Variants in TRIML1 observed in about 807,000 individuals in gnomAD.
The protein encoded by TRIML1 is probable E3 ubiquitin-protein ligase TRIML1.
TRIML1 carries 34 observed loss-of-function variants against 32.3 expected under a neutral mutation model. The observed-to-expected ratio is 1.05, with a 90% confidence interval of 0.80 to 1.40. The LOEUF (loss-of-function observed/expected upper bound fraction) is 1.40, where lower values mean the gene tolerates loss of function less well. Among genes scored for constraint, TRIML1 ranks in the 40% most tolerant of loss-of-function variants. The pLI is 0.00. For missense variants in TRIML1, 595 were observed against 574.9 expected (o/e 1.03, Z -0.36); for synonymous variants, 244 against 226.6 (o/e 1.08, Z -0.69).
Position 188,142,275 on chromosome 4 carries a change from G to A in TRIML1, c.528G>A (p.Gln176=). The part of the protein sequence containing the change: ...LCQEETKTCK[Q]VVVSEYMKMH... Reference sequence around the variant, plus strand: ...AGGAAGAAACAAAGACTTGTAAACAGGTTGTTGTGTCAGAATACATGAAAA... The same window carrying A: ...AGGAAGAAACAAAGACTTGTAAACAAGTTGTTGTGTCAGAATACATGAAAA... Residue 176 remains glutamine, a synonymous_variant, in exon 3 of 6, where the codon CAG becomes CAA. Coordinates refer to ENST00000332517, the MANE Select transcript of TRIML1 (RefSeq NM_178556.5). 1 of 1,611,376 alleles carries A rather than the reference G, an allele frequency of 6.2e-7. No homozygotes were observed. The highest frequency in any genetic ancestry group is 8.5e-7 in the Non-Finnish European group (1 of 1,179,410).
chr4:188,150,639 T>C (rs1735229425), downstream of TRIML1, among the ~76,000 whole-genome samples: 2 of 152,004 alleles, frequency 1.3e-5, no homozygotes, highest in African/African-American at 4.8e-5. Flanking sequence ...TGATACATCC[T>C]TTCCTTTCCT....
upstream of TRIML1, chr4:188,139,286 T>C (rs755463805): frequency 2.7e-5 from 9 of 338,112 alleles, no homozygotes; most frequent in Non-Finnish European, 4.3e-5. Flanking sequence ...ATCCTCAGCC[T>C]CTAGCATGTG....
intron 1 of TRIML1, among the ~76,000 whole-genome samples, chr4:188,140,249 T>C (rs1282445846): frequency 6.6e-6 from 1 of 151,976 alleles, no homozygotes; most frequent in Non-Finnish European, 1.5e-5. Flanking sequence ...GCCTCCCCAG[T>C]AGCTGGGACT....
downstream of TRIML1, among the ~76,000 whole-genome samples, chr4:188,150,408 C>A (rs1189559898): frequency 6.6e-6 from 1 of 152,134 alleles, no homozygotes; most frequent in African/African-American, 2.4e-5. Flanking sequence ...GGATTACAGG[C>A]GTGAGCCACC....
At chr4:188,143,896 C>A (rs998910392) in intron 4 of TRIML1, 36 bp downstream of exon 4, 4 of 1,613,734 alleles carry the variant, frequency 2.5e-6, no homozygotes, top group Non-Finnish European at 3.4e-6. Context: ...ATGCAAGCTG[C>A]GGGGCAGTGG....
downstream of TRIML1, among the ~76,000 whole-genome samples, chr4:188,148,095 T>C (rs1214233178): frequency 1.3e-5 from 2 of 152,206 alleles, no homozygotes; most frequent in Non-Finnish European, 2.9e-5. Context: ...CAAGCGACTA[T>C]ATTGCATTGT....
chr4:188,142,095 G>T lies in TRIML1; in HGVS notation c.505-157G>T, dbSNP rs116379756. On this transcript the variant is annotated intron_variant, in intron 2 of 5. Transcript: ENST00000332517. ...TTGCGCCACTGCACTTCAGACTGGC[G>T]ACAGAGTGAGACTCCATCTCAAAAA... Among the ~76,000 whole-genome samples the T allele has an allele frequency of 3.6e-5, 5 of 137,206 alleles. No homozygotes were observed. In the East Asian group the frequency reaches 1.1e-3, roughly 29 times the overall value. The allele number at this position is 137,206 out of a possible 152,430, so 90.0% of individuals were successfully genotyped here.
In TRIML1 at chr4:188,139,543, A is replaced by T; in HGVS notation, c.-16A>T. ...GAACAGAGGTGTAACCTGGCTGCAT[A>T]TCCAGCCTCGAGAAAATGTCTACAG... On this transcript the variant is annotated 5_prime_UTR_variant, in exon 1 of 6. Coordinates refer to ENST00000332517, the MANE Select transcript of TRIML1 (RefSeq NM_178556.5). 1 of 1,553,918 alleles carries T rather than the reference A, an allele frequency of 6.4e-7. No individual in the cohort carries two copies. The highest frequency in any genetic ancestry group is 8.7e-7 in the Non-Finnish European group (1 of 1,147,460).
rs1370388942 is a variant in TRIML1, at chr4:188,146,931, A to T, written c.966A>T (p.Glu322Asp). 1 of 1,496,944 alleles carries T rather than the reference A, an allele frequency of 6.7e-7. No individual in the cohort carries two copies. Among genetic ancestry groups the T allele is most frequent in the Non-Finnish European group, 8.9e-7 (1 of 1,122,608 alleles). 92.7% of individuals were successfully genotyped at this position (1,496,944 alleles called of 1,614,324 possible). The change falls in exon 6 of 6, where the codon GAA becomes GAT. Residue 322 changes from glutamate (E) to aspartate (D), a missense_variant. By Grantham distance (45) the Glu-to-Asp change is conservative (BLOSUM62 2). Coordinates refer to ENST00000332517, the MANE Select transcript of TRIML1 (RefSeq NM_178556.5). ...GSRQQLPDNPERFDQSATVLG... is the reference protein window; with the variant it reads ...GSRQQLPDNPDRFDQSATVLG... ...GACAGCAGCTACCCGACAACCCGGA[A>T]AGATTTGACCAGTCTGCGACTGTGC...
intron 2 of TRIML1, among the ~76,000 whole-genome samples, chr4:188,141,745 C>A (rs964476747): frequency 1.3e-5 from 2 of 152,068 alleles, no homozygotes; most frequent in Non-Finnish European, 2.9e-5. Flanking sequence ...CCTCCGAAAA[C>A]ATCAACCTCT....
rs1013863724 is a variant in TRIML1, at chr4:188,147,136, G to A, written c.1171G>A (p.Val391Ile). The change falls in exon 6 of 6, where the codon GTC (valine) becomes ATC (isoleucine). Residue 391 changes from valine (V) to isoleucine (I), a missense_variant. Val to Ile is a conservative substitution (Grantham distance 29, BLOSUM62 3). Transcript: ENST00000332517. ...LKIGDDYSLW[V>I]SSPLKGQHVR... ...AATCGGAGATGATTACAGCCTCTGG[G>A]TCTCGTCACCTTTGAAAGGTCAGCA... 6.2e-7 allele frequency: 1 copy of A among 1,614,080 alleles called. No homozygotes were observed. Among genetic ancestry groups the A allele is most frequent in the Non-Finnish European group, 8.5e-7 (1 of 1,180,026 alleles).
At chr4:188,143,199 G>A (rs2111230837) in intron 3 of TRIML1, 1 of 153,018 alleles carries the variant, frequency 6.5e-6, no homozygotes, top group East Asian at 1.9e-4. Flanking sequence ...GGGATTACAG[G>A]CGTGTGCCAC....
Position 188,147,245 on chromosome 4 carries a change from C to T in TRIML1, c.1280C>T (p.Ser427Phe). ...HIAFYNGTDE[S>F]LIYSFPQASF... Reference sequence around the variant, plus strand: ...GCATTCTACAACGGGACGGATGAATCCCTCATCTACAGCTTCCCGCAGGCT... The same window carrying T: ...GCATTCTACAACGGGACGGATGAATTCCTCATCTACAGCTTCCCGCAGGCT... Residue 427 changes from serine (S) to phenylalanine (F), a missense_variant, in exon 6 of 6, where the codon TCC (serine) becomes TTC (phenylalanine). By Grantham distance (155) the Ser-to-Phe change is radical. Coordinates refer to ENST00000332517, the MANE Select transcript of TRIML1 (RefSeq NM_178556.5). 1 of 1,604,134 alleles carries T rather than the reference C, an allele frequency of 6.2e-7. No homozygotes were observed. Among genetic ancestry groups the T allele is most frequent in the Non-Finnish European group, 8.5e-7 (1 of 1,174,692 alleles).
chr4:188,150,307 T>A (rs1735217338), downstream of TRIML1, among the ~76,000 whole-genome samples: 1 of 151,752 alleles, frequency 6.6e-6, no homozygotes, highest in Admixed American at 6.6e-5. Context: ...TTTTGTATTT[T>A]TAATAGAGAT....
downstream of TRIML1, among the ~76,000 whole-genome samples, chr4:188,150,101 G>A (rs1049520257): frequency 1.3e-5 from 2 of 151,756 alleles, no homozygotes; most frequent in Admixed American, 6.6e-5. Flanking sequence ...ACCGCGCCCG[G>A]CCTTATTTTA....
Position 188,139,705 on chromosome 4 carries a change from A to AC in TRIML1, c.149dup (p.Leu51PhefsTer5). ...TCAGGAGCTGGGAGGAACATAACACACCTTTATCTTGTCCTGAGTGCTGGA... is the reference window on the plus strand; with the variant it reads ...TCAGGAGCTGGGAGGAACATAACACACCCTTTATCTTGTCCTGAGTGCTGGA... On this transcript the variant is annotated frameshift_variant, in exon 1 of 6. Coordinates refer to ENST00000332517, the MANE Select transcript of TRIML1 (RefSeq NM_178556.5). LOFTEE classifies it high-confidence loss of function. The AC allele has an allele frequency of 1.2e-6, 2 of 1,613,910 alleles. No individual in the cohort carries two copies. The highest frequency in any genetic ancestry group is 1.7e-6 in the Non-Finnish European group (2 of 1,179,998).
chr4:188,144,440 G>A (rs1324792757), intron 5 of TRIML1, among the ~76,000 whole-genome samples: 2 of 147,590 alleles, frequency 1.4e-5, no homozygotes, highest in East Asian at 2.0e-4. Context: ...TCGGCTCACT[G>A]CAAGCTCCGC....
At chr4:188,149,120 C>T (rs1188983790), downstream of TRIML1, among the ~76,000 whole-genome samples, 1 of 151,294 alleles carries the variant, frequency 6.6e-6, no homozygotes, top group Non-Finnish European at 1.5e-5. Context: ...GGGGTTTCAC[C>T]GTGTTAGCCA....
At chr4:188,150,521 C>T (rs1735225748), downstream of TRIML1, among the ~76,000 whole-genome samples, 1 of 152,170 alleles carries the variant, frequency 6.6e-6, no homozygotes, top group African/African-American at 2.4e-5. Flanking sequence ...ATTTGGAATA[C>T]ATCTTTTCTC....
Sources: allele counts gnomAD v4.1 joint callset (sites outside exome capture counted in the v4.1 genomes callset), GRCh38; gene constraint gnomAD v4.1.1; transcripts MANE v1.5; gene names NCBI Gene and HGNC (gene_info 2026-07-23, HGNC 2026-07-21).